The following MYO18B variants were observed in gnomAD, a reference collection of about 807,000 sequenced individuals.
MYO18B encodes the protein unconventional myosin-XVIIIb.
In MYO18B, 204 loss-of-function variants were observed where a neutral mutation model predicts 273.0. The observed-to-expected ratio is 0.75, with a 90% CI of 0.67 to 0.84. The LOEUF is 0.84. Among genes scored for constraint, MYO18B ranks in the 40% least tolerant of loss-of-function variants. The pLI is 0.00. For synonymous variants in MYO18B, 1,330 were observed against 1,305.7 expected (o/e 1.02, Z -0.40); for missense variants, 3,212 against 3,287.6 (o/e 0.98, Z 0.56).
At chr22:25,879,635 G>C (rs565925282) in intron 25 of MYO18B, among the ~76,000 whole-genome samples, 124 of 152,294 alleles carry the variant, frequency 8.1e-4, no homozygotes, top group African/African-American at 2.9e-3. Context: ...CCCACTCCAA[G>C]AAGGTCACTG....
At chr22:25,997,092 G>A (rs1268316118) in intron 40 of MYO18B, among the ~76,000 whole-genome samples, 1 of 151,974 alleles carries the variant, frequency 6.6e-6, no homozygotes, top group East Asian at 1.9e-4. Flanking sequence ...GGAGGCCAAG[G>A]CGGGTGGATC....
chr22:25,807,324 C>T (rs1033075280), intron 12 of MYO18B, among the ~76,000 whole-genome samples: 4 of 152,226 alleles, frequency 2.6e-5, no homozygotes, highest in African/African-American at 9.6e-5. Flanking sequence ...CAGATCTGGA[C>T]TCAGATTGAA....
chr22:25,780,153 G>C lies in MYO18B; in HGVS notation c.2166G>C (p.Ser722=). The C allele has an allele frequency of 6.2e-7, 1 of 1,606,790 alleles. No homozygotes were observed. The highest frequency in any genetic ancestry group is 1.3e-5 in the African/African-American group (1 of 74,908). The change falls in exon 9 of 44, where the codon TCG becomes TCC. Residue 722 remains serine, a synonymous_variant. Transcript: ENST00000335473. ...CCACCCGGTTCTCCATGGTGATGTC[G>C]CTGGACTTCAACGCTACAGGCCGCA... ...RSATRFSMVM[S]LDFNATGRIT...
At chr22:25,823,790 A>C in intron 13 of MYO18B, 112 bp downstream of exon 13, 2 of 1,168,832 alleles carry the variant, frequency 1.7e-6, no homozygotes, top group Non-Finnish European at 2.5e-6. Flanking sequence ...GGCCTATGCT[A>C]TGAAGGCGTG....
At position 25,950,524 on chromosome 22, in the gene MYO18B, G is replaced by GTGTA. The variant is rs1195294571; in HGVS notation, c.5832+77_5832+78insATGT. The GTGTA allele has an allele frequency of 1.5e-4, 95 of 623,602 alleles. 9 individuals carry two copies. Among genetic ancestry groups the GTGTA allele is most frequent in the African/African-American group, 5.9e-4 (31 of 52,162 alleles). 38.6% of individuals were successfully genotyped at this position (623,602 alleles called of 1,614,324 possible). ...GAGGGACAGAACTAATAGGATGTGT[G>GTGTA]TGTGTGTGTGTGTGTGTGTGTGTGT... is the stretch of plus-strand genomic sequence containing the variant. On this transcript the variant is annotated intron_variant, in intron 37 of 43. Coordinates refer to ENST00000335473, the MANE Select transcript of MYO18B (RefSeq NM_032608.7).
chr22:25,962,322 G>C (rs1044309070), intron 39 of MYO18B, among the ~76,000 whole-genome samples: 2 of 152,144 alleles, frequency 1.3e-5, no homozygotes, highest in Non-Finnish European at 2.9e-5. Flanking sequence ...CGATGTTCTT[G>C]TCTTCCTAGA....
intron 23 of MYO18B, among the ~76,000 whole-genome samples, chr22:25,875,619 T>C (rs1275115179): frequency 6.6e-6 from 1 of 152,194 alleles, no homozygotes; most frequent in African/African-American, 2.4e-5. Context: ...GCAGGCTCCA[T>C]CCCAGAGTGG....
chr22:25,900,681 A>G (rs1240669492), intron 29 of MYO18B: 4 of 152,360 alleles, frequency 2.6e-5, no homozygotes, highest in Admixed American at 6.5e-5. Flanking sequence ...GTGCAAACCT[A>G]TCTGGCCTCA....
At chr22:25,837,019 G>A (rs114001851) in intron 17 of MYO18B, among the ~76,000 whole-genome samples, 2,179 of 149,788 alleles carry the variant, frequency 0.015, 47 homozygotes, top group African/African-American at 0.05. Flanking sequence ...TAAGGCAAAT[G>A]CACTTAGTGA....
intron 13 of MYO18B, 65 bp from the exon 14 acceptor site, chr22:25,826,344 C>T (rs1011548984): frequency 8.1e-7 from 1 of 1,241,972 alleles, no homozygotes; most frequent in Non-Finnish European, 1.2e-6. Flanking sequence ...TACTGCTCTG[C>T]AGTGATGTCC....
At chr22:26,033,489 CATT>C (rs1324569850), downstream of MYO18B, among the ~76,000 whole-genome samples, 1 of 152,132 alleles carries the variant, frequency 6.6e-6, no homozygotes, top group East Asian at 1.9e-4. Flanking sequence ...AGAAATCAGT[CATT>C]ATTCTTCAAT....
At chr22:25,947,860 A>C in intron 36 of MYO18B, 32 bp downstream of exon 36, 12 of 1,555,108 alleles carry the variant, frequency 7.7e-6, no homozygotes, top group Non-Finnish European at 9.8e-6. Flanking sequence ...GAAGAAGCTC[A>C]GGGACTTGGG....
intron 16 of MYO18B, among the ~76,000 whole-genome samples, chr22:25,834,540 G>T (rs1271553950): frequency 6.6e-6 from 1 of 152,168 alleles, no homozygotes; most frequent in African/African-American, 2.4e-5. Flanking sequence ...CCCAGCTTTA[G>T]CACTGAAAGT....
intron 12 of MYO18B, among the ~76,000 whole-genome samples, chr22:25,812,183 C>T (rs766882021): frequency 6.6e-5 from 10 of 152,204 alleles, no homozygotes; most frequent in Non-Finnish European, 1.3e-4. Flanking sequence ...GATGCTACCT[C>T]TGTCCTCTCC....
intron 13 of MYO18B, among the ~76,000 whole-genome samples, chr22:25,825,454 C>T (rs2089457213): frequency 6.6e-6 from 1 of 152,196 alleles, no homozygotes; most frequent in Non-Finnish European, 1.5e-5. Flanking sequence ...AATTTGTGAT[C>T]TGATCCCCTA....
rs1345366506 is a variant in MYO18B at position 25,847,539 on chromosome 22, A to G, written c.3662A>G (p.Gln1221Arg). The change falls in exon 20 of 44, where the codon CAG becomes CGG. Residue 1221 changes from glutamine (Q) to arginine (R), a missense_variant. Transcript: ENST00000335473. ...RSGQESPPPPQPGRDKPGAGG... is the reference protein window; with the variant it reads ...RSGQESPPPPRPGRDKPGAGG... ...GGGCAGGAATCTCCACCACCACCGCAGCCTGGTAGAGACAAGCCTGGGGCA... is the reference window on the plus strand; with the variant it reads ...GGGCAGGAATCTCCACCACCACCGCGGCCTGGTAGAGACAAGCCTGGGGCA... 3 of 1,572,718 alleles carry G rather than the reference A, an allele frequency of 1.9e-6. No individual in the cohort carries two copies. Among genetic ancestry groups the G allele is most frequent in the Non-Finnish European group, 1.7e-6 (2 of 1,158,962 alleles).
At chr22:25,850,542 C>T (rs1352529628) in intron 20 of MYO18B, among the ~76,000 whole-genome samples, 1 of 152,166 alleles carries the variant, frequency 6.6e-6, no homozygotes, top group African/African-American at 2.4e-5. Context: ...CACATAAGCT[C>T]TCAGTAAATG....
downstream of MYO18B, among the ~76,000 whole-genome samples, chr22:26,032,255 C>G (rs8139222): frequency 0.11 from 17,226 of 152,156 alleles, 1,148 homozygotes; most frequent in African/African-American, 0.19. Context: ...AATTCCACCG[C>G]CTGGGTGGCC....
intron 39 of MYO18B, among the ~76,000 whole-genome samples, chr22:25,962,815 T>C (rs780090158): frequency 2.0e-5 from 3 of 152,142 alleles, no homozygotes; most frequent in Non-Finnish European, 4.4e-5. Context: ...AGTGATCCAG[T>C]CATGTTTATC....
Sources: allele counts gnomAD v4.1 joint callset (sites outside exome capture counted in the v4.1 genomes callset), GRCh38; gene constraint gnomAD v4.1.1; transcripts MANE v1.5; gene names NCBI Gene and HGNC (gene_info 2026-07-23, HGNC 2026-07-21).